The following PIEZO2 variants were observed in gnomAD, a reference collection of about 807,000 sequenced individuals.
PIEZO2 encodes piezo-type mechanosensitive ion channel component 2.
In PIEZO2, 172 loss-of-function variants were observed where a neutral mutation model predicts 337.3. The observed-to-expected ratio is 0.51, with a 90% CI of 0.45 to 0.58. The LOEUF is 0.58. Among genes scored for constraint, PIEZO2 ranks in the 20% least tolerant of loss-of-function variants. The probability of loss-of-function intolerance (pLI) is 0.00; values close to 1 mark genes in which losing one functional copy is unlikely to be tolerated. For synonymous variants in PIEZO2, 1,251 were observed against 1,228.5 expected, an observed-to-expected ratio of 1.02 and a Z score of -0.38; for missense variants, 3,028 against 3,391.3, an observed-to-expected ratio of 0.89 and a Z score of 2.66.
intron 7 of PIEZO2, among the ~76,000 whole-genome samples, chr18:10,831,344 A>G (rs1053166457): frequency 2.0e-5 from 3 of 152,220 alleles, no homozygotes; most frequent in East Asian, 1.9e-4. Context: ...ATTCAACCAT[A>G]AAAAAGAATG....
At chr18:10,719,152 T>C (rs2036149593) in intron 36 of PIEZO2, among the ~76,000 whole-genome samples, 1 of 152,142 alleles carries the variant, frequency 6.6e-6, no homozygotes, top group Admixed American at 6.5e-5. Context: ...AAGTGCAAGA[T>C]AACCAGTTAA....
rs899232221 is a variant in PIEZO2 at position 11,080,691 on chromosome 18, A to G, written c.65-14469T>C. ...AAACCCCGTCTCTACTAAAAATACAAAAATTAGCCGGGTGTGGTGGCATGT... is the reference window on the plus strand; with the variant it reads ...AAACCCCGTCTCTACTAAAAATACAGAAATTAGCCGGGTGTGGTGGCATGT... On this transcript the variant is annotated intron_variant, in intron 1 of 55. Transcript: ENST00000674853. This position sits in a 1 kb window ranked among gnomAD's most constrained non-coding sequence, Gnocchi z 5.4. Among the ~76,000 whole-genome samples, 9 of 152,174 alleles carry G rather than the reference A, an allele frequency of 5.9e-5. No individual in the cohort carries two copies. The highest frequency in any genetic ancestry group is 1.3e-4 in the Non-Finnish European group (9 of 68,042).
intron 3 of PIEZO2, among the ~76,000 whole-genome samples, chr18:10,941,267 G>C (rs141024602): frequency 6.6e-6 from 1 of 152,098 alleles, no homozygotes; most frequent in East Asian, 1.9e-4. Flanking sequence ...TAAGTTAATA[G>C]CAGGCTCGCA....
At chr18:10,780,478 C>A in intron 17 of PIEZO2, 112 bp from the exon 18 acceptor site, 2 of 665,846 alleles carry the variant, frequency 3.0e-6, no homozygotes, top group East Asian at 2.7e-5. Context: ...AGCTTCCTAG[C>A]ATCAAGTGTA....
At chr18:10,885,023 T>G (rs1311894034) in intron 4 of PIEZO2, among the ~76,000 whole-genome samples, 1 of 152,096 alleles carries the variant, frequency 6.6e-6, no homozygotes, top group Non-Finnish European at 1.5e-5. Context: ...AGAAAGCCAG[T>G]GTGCTTTGTA....
chr18:10,889,137 C>T (rs756409645), intron 4 of PIEZO2, among the ~76,000 whole-genome samples: 2 of 152,202 alleles, frequency 1.3e-5, no homozygotes, highest in Admixed American at 6.5e-5. Flanking sequence ...AGACACAGGT[C>T]CACCCAGGTG....
At position 11,029,224 on chromosome 18, in the gene PIEZO2, T is replaced by G. The variant is rs140515115; in HGVS notation, c.160+36903A>C. The stretch of plus-strand genomic sequence containing the variant: ...CAACCTGTCCAAAAAGCAGCTCTGA[T>G]TTTTCCTCCGTCACCCTTGCTCCAG... On this transcript the variant is annotated intron_variant, in intron 2 of 55. Transcript: ENST00000674853. Among the ~76,000 whole-genome samples the G allele has an allele frequency of 3.6e-3, 546 of 152,274 alleles. 2 individuals carry two copies. Among genetic ancestry groups the G allele is most frequent in the African/African-American group, 0.012 (516 of 41,552 alleles).
intron 2 of PIEZO2, among the ~76,000 whole-genome samples, chr18:11,000,749 G>A (rs1320855762): frequency 1.3e-5 from 2 of 152,236 alleles, no homozygotes; most frequent in Non-Finnish European, 2.9e-5. Context: ...TTCTGAGATG[G>A]AGACTGAGTG....
chr18:10,680,620 C>A (rs1416368611), intron 51 of PIEZO2, among the ~76,000 whole-genome samples: 1 of 152,148 alleles, frequency 6.6e-6, no homozygotes, highest in Non-Finnish European at 1.5e-5. Flanking sequence ...TGGAATCATT[C>A]CAGTTAAACA....
intron 2 of PIEZO2, among the ~76,000 whole-genome samples, chr18:11,007,932 A>C (rs2035778583): frequency 6.6e-6 from 1 of 152,230 alleles, no homozygotes; most frequent in Non-Finnish European, 1.5e-5. Context: ...AAGAGCACAG[A>C]AATGACAAAT....
chr18:10,741,919 C>T (rs375710781), intron 32 of PIEZO2, among the ~76,000 whole-genome samples: 2 of 151,804 alleles, frequency 1.3e-5, no homozygotes, highest in African/African-American at 4.8e-5. Flanking sequence ...TTTGGGAGGC[C>T]GAGGTGGGCG....
intron 24 of PIEZO2, 97 bp downstream of exon 24, chr18:10,760,814 C>T: frequency 2.1e-6 from 2 of 943,750 alleles, no homozygotes; most frequent in South Asian, 3.3e-5. Context: ...ATCATGCCTG[C>T]AGATGTATCA....
chr18:10,722,806 T>A (rs551428751), intron 36 of PIEZO2, among the ~76,000 whole-genome samples: 5 of 152,172 alleles, frequency 3.3e-5, no homozygotes, highest in African/African-American at 1.2e-4. Context: ...CGGGTGAACA[T>A]AAATGAAGAA....
At chr18:11,076,122 A>G (rs540093550) in intron 1 of PIEZO2, among the ~76,000 whole-genome samples, 1 of 152,296 alleles carries the variant, frequency 6.6e-6, no homozygotes, top group South Asian at 2.1e-4. Context: ...ATGCTCTCCC[A>G]TTTAGTCATG....
chr18:11,118,382 C>T (rs1037659543), intron 1 of PIEZO2, among the ~76,000 whole-genome samples: 4 of 152,144 alleles, frequency 2.6e-5, no homozygotes, highest in African/African-American at 9.7e-5. Context: ...ATTGAGATGC[C>T]TGGAGTGACA....
chr18:10,689,807 C>A lies in PIEZO2; in HGVS notation c.7350-5G>T. 2 of 1,602,800 alleles carry A rather than the reference C, an allele frequency of 1.2e-6. No homozygotes were observed. The highest frequency in any genetic ancestry group is 1.7e-6 in the Non-Finnish European group (2 of 1,173,712). On this transcript the variant is annotated splice_region_variant and splice_polypyrimidine_tract_variant and intron_variant, in intron 48 of 55. Transcript: ENST00000674853. ...AAAAAGGGCACGAGGCGAAACCTGG[C>A]AGGAAACACATCTCGTCAGAGAGAC...
rs984449364 is a variant in PIEZO2, at chr18:10,766,601, G to C, written c.2947-3503C>G. On this transcript the variant is annotated intron_variant, in intron 21 of 55. Transcript: ENST00000674853. The surrounding 1 kb of genome is among the most constrained non-coding windows in gnomAD (Gnocchi z 6.1). ...GGGCCTCTGAGAACCAAAGCCTCCT[G>C]GGCCCTGCACTTACCCATCCCTGGC... Among the ~76,000 whole-genome samples the C allele has an allele frequency of 6.6e-6, 1 of 152,112 alleles. No homozygotes were observed. The highest frequency in any genetic ancestry group is 1.5e-5 in the Non-Finnish European group (1 of 68,014).
In PIEZO2 at chr18:10,834,280, T is replaced by C. The variant is rs1362228385; in HGVS notation, c.917+21073A>G. ...TCAAACTCTGGCTTTGCCATCTCTA[T>C]CCTGTGACTTGGAGCAAATCACTTA... On this transcript the variant is annotated intron_variant, in intron 7 of 55. Coordinates refer to ENST00000674853, the MANE Select transcript of PIEZO2 (RefSeq NM_001378183.1). The surrounding 1 kb of genome is among the most constrained non-coding windows in gnomAD (Gnocchi z 4.5). 5.9e-5 allele frequency among the ~76,000 whole-genome samples: 9 copies of C among 152,210 alleles called. No homozygotes were observed. The highest frequency in any genetic ancestry group is 1.9e-4 in the African/African-American group (8 of 41,458).
At position 11,125,541 on chromosome 18, in the gene PIEZO2, A is replaced by G. The variant is rs1404770172; in HGVS notation, c.64+22984T>C. Among the ~76,000 whole-genome samples the G allele has an allele frequency of 6.6e-6, 1 of 152,234 alleles. No individual in the cohort carries two copies. The highest frequency in any genetic ancestry group is 1.5e-5 in the Non-Finnish European group (1 of 68,036). On this transcript the variant is annotated intron_variant, in intron 1 of 55. Coordinates refer to ENST00000674853, the MANE Select transcript of PIEZO2 (RefSeq NM_001378183.1). This position sits in a 1 kb window ranked among gnomAD's most constrained non-coding sequence, Gnocchi z 4.4. Reference sequence around the variant, plus strand: ...ATTACGTTGTTGGATTGTTTCCTCAATACATCTGCGGAAACCAAGACACAC... The same window carrying G: ...ATTACGTTGTTGGATTGTTTCCTCAGTACATCTGCGGAAACCAAGACACAC...
Sources: gnomAD v4.1 joint callset for allele counts (sites outside exome capture counted in the v4.1 genomes callset) on GRCh38, gnomAD v4.1.1 for gene constraint, Gnocchi (gnomAD v3.1) non-coding constraint, MANE v1.5 for transcripts, NCBI Gene and HGNC (gene_info 2026-07-23, HGNC 2026-07-21) for gene names.